The following YEATS2 variants were observed in gnomAD, a reference collection of about 807,000 sequenced individuals.
The protein encoded by YEATS2 is YEATS domain containing 2.
Under a neutral mutation model 163.2 loss-of-function variants are expected in YEATS2, and 77 were observed. The ratio of observed to expected loss-of-function variants is 0.47; its 90% CI spans 0.39 to 0.57. The LOEUF (loss-of-function observed/expected upper bound fraction) is 0.57. Among genes scored for constraint, YEATS2 ranks in the 20% least tolerant of loss-of-function variants. YEATS2 has a pLI of 0.00. For synonymous variants in YEATS2, 631 were observed against 645.1 expected (o/e 0.98, Z 0.33); for missense variants, 1,549 against 1,729.8 (o/e 0.90, Z 1.85).
intron 22 of YEATS2, 124 bp from the exon 23 acceptor site, chr3:183,798,767 C>G: frequency 2.8e-6 from 2 of 713,744 alleles, no homozygotes; most frequent in Non-Finnish European, 5.0e-6. Context: ...CTTTGCAATT[C>G]CTGTTGTCCT....
At chr3:183,706,442 T>C (rs530945235) in intron 1 of YEATS2, among the ~76,000 whole-genome samples, 21 of 152,300 alleles carry the variant, frequency 1.4e-4, no homozygotes, top group African/African-American at 4.6e-4. Flanking sequence ...AATATTCTTA[T>C]TGTCCTTTTC....
At chr3:183,796,025 C>T (rs1383155334) in intron 21 of YEATS2, among the ~76,000 whole-genome samples, 1 of 147,102 alleles carries the variant, frequency 6.8e-6, no homozygotes, top group East Asian at 2.0e-4. Flanking sequence ...TCTCGTTGCC[C>T]AGGCTGGAGT....
chr3:183,756,461 C>T, intron 11 of YEATS2, 67 bp from the exon 12 acceptor site: 1 of 1,424,710 alleles, frequency 7.0e-7, no homozygotes, highest in Non-Finnish European at 9.3e-7. Flanking sequence ...CTTCCTTGTC[C>T]TCGACATCTT....
intron 21 of YEATS2, chr3:183,793,405 T>G (rs1483363120): frequency 1.9e-6 from 2 of 1,050,560 alleles, no homozygotes; most frequent in African/African-American, 3.3e-5. Context: ...GGAGTACTTG[T>G]TCTCTACTAA....
chr3:183,771,542 C>CTTTTTTTTTTTTTTTTTTTTTT lies in YEATS2; in HGVS notation c.1948-763_1948-762insTTTTTTTTTTTTTTTTTTTTTT, dbSNP rs1722462151. 8.2e-5 allele frequency among the ~76,000 whole-genome samples: 5 copies of CTTTTTTTTTTTTTTTTTTTTTT among 60,812 alleles called. 1 individual carries two copies. The highest frequency in any genetic ancestry group is 6.4e-4 in the East Asian group (1 of 1,574). 39.9% of individuals were successfully genotyped at this position (60,812 alleles called of 152,430 possible). Reference sequence around the variant, plus strand: ...TTTTAATAGTTAAATATTATTCTTGCCTTTTTTTTTTTTTTTTTTTTTTCT... The same window carrying CTTTTTTTTTTTTTTTTTTTTTT: ...TTTTAATAGTTAAATATTATTCTTGCTTTTTTTTTTTTTTTTTTTTTTCTTTTTTTTTTTTTTTTTTTTTTCT... On this transcript the variant is annotated intron_variant, in intron 15 of 30. Transcript: ENST00000305135.
chr3:183,730,572 G>A (rs1261737951), intron 7 of YEATS2, among the ~76,000 whole-genome samples: 1 of 152,154 alleles, frequency 6.6e-6, no homozygotes, highest in Admixed American at 6.5e-5. Context: ...TGGGGGTGGG[G>A]TGGATGTCTT....
chr3:183,762,357 A>AT (rs1201021654), intron 15 of YEATS2, 78 bp downstream of exon 15: 2 of 1,477,900 alleles, frequency 1.4e-6, no homozygotes, highest in Non-Finnish European at 1.8e-6. Context: ...TGCTGAAAAG[A>AT]TTCACGGTGA....
At chr3:183,801,598 A>G in intron 25 of YEATS2, 70 bp downstream of exon 25, 2 of 1,220,800 alleles carry the variant, frequency 1.6e-6, no homozygotes, top group Non-Finnish European at 2.3e-6. Flanking sequence ...GAGTCAACTG[A>G]AATCACTTGG....
At chr3:183,724,654 T>C (rs893742419) in intron 6 of YEATS2, 123 bp downstream of exon 6, 2 of 698,348 alleles carry the variant, frequency 2.9e-6, no homozygotes, top group African/African-American at 3.7e-5. Context: ...CCTTAGTTGT[T>C]TAAAAAGTAA....
intron 6 of YEATS2, among the ~76,000 whole-genome samples, chr3:183,725,700 C>T (rs761576760): frequency 1.3e-5 from 2 of 152,220 alleles, no homozygotes; most frequent in African/African-American, 2.4e-5. Flanking sequence ...CCTTCCAGGA[C>T]GTGTGGGAAT....
intron 8 of YEATS2, among the ~76,000 whole-genome samples, chr3:183,744,609 A>G (rs773588459): frequency 2.0e-5 from 3 of 152,076 alleles, no homozygotes; most frequent in Non-Finnish European, 4.4e-5. Flanking sequence ...AATGTTTCCT[A>G]CCAGTTTTCT....
chr3:183,712,997 A>G (rs1243634216), intron 1 of YEATS2, among the ~76,000 whole-genome samples: 4 of 151,772 alleles, frequency 2.6e-5, no homozygotes, highest in African/African-American at 9.7e-5. Flanking sequence ...CTGACCTCTA[A>G]TGATCTGCCT....
chr3:183,771,620 G>A (rs984410978), intron 15 of YEATS2, among the ~76,000 whole-genome samples: 4 of 142,656 alleles, frequency 2.8e-5, no homozygotes, highest in African/African-American at 5.2e-5. Context: ...GTGTGATCAC[G>A]GCTCAGTGCA....
Position 183,797,914 on chromosome 3 carries a change from T to G in YEATS2, c.3098-9T>G. ...CTTCAACTTGGCTTTATCTTCCAAT[T>G]TGTTCTAGGACTGTTAAAGATTCAC... On this transcript the variant is annotated splice_polypyrimidine_tract_variant and intron_variant, in intron 21 of 30. Transcript: ENST00000305135. The G allele has an allele frequency of 6.2e-7, 1 of 1,613,402 alleles. No homozygotes were observed. Among genetic ancestry groups the G allele is most frequent in the South Asian group, 1.1e-5 (1 of 90,980 alleles).
At chr3:183,714,359 CTT>C (rs201822288) in intron 1 of YEATS2, among the ~76,000 whole-genome samples, 1 of 147,208 alleles carries the variant, frequency 6.8e-6, no homozygotes, top group South Asian at 2.2e-4. Flanking sequence ...CCATGCCCGT[CTT>C]TTTTTTTTGT....
intron 25 of YEATS2, chr3:183,802,827 G>C (rs1725820624): frequency 6.4e-6 from 1 of 155,268 alleles, no homozygotes. Context: ...CTCCTCGGGA[G>C]GCTGAGGCAG....
chr3:183,795,455 ATTTTTTTTTTT>A (rs573338439), intron 21 of YEATS2, among the ~76,000 whole-genome samples: 26 of 79,898 alleles, frequency 3.3e-4, no homozygotes, highest in South Asian at 1.3e-3. Context: ...CACGGGACTA[ATTTTTTTTTTT>A]TTTTTTTTTT....
chr3:183,795,950 C>T (rs1725104746), intron 21 of YEATS2, among the ~76,000 whole-genome samples: 1 of 149,114 alleles, frequency 6.7e-6, no homozygotes, highest in Non-Finnish European at 1.5e-5. Flanking sequence ...CTTTCCGGTG[C>T]CTTAAAGTAT....
chr3:183,773,954 A>G (rs980459816), intron 17 of YEATS2, among the ~76,000 whole-genome samples, 160 bp downstream of exon 17: 1 of 152,226 alleles, frequency 6.6e-6, no homozygotes, highest in Non-Finnish European at 1.5e-5. Flanking sequence ...AACACATACG[A>G]TAATTTAACT....
Sources: gnomAD v4.1 joint callset for allele counts (sites outside exome capture counted in the v4.1 genomes callset) on GRCh38, gnomAD v4.1.1 for gene constraint, MANE v1.5 for transcripts, NCBI Gene and HGNC (gene_info 2026-07-23, HGNC 2026-07-21) for gene names.